Variants in IMPDH2 observed in about 807,000 individuals in gnomAD.
The protein encoded by IMPDH2 is inosine-5'-monophosphate dehydrogenase 2.
IMPDH2 carries 33 observed loss-of-function variants against 57.8 expected under a neutral mutation model. The ratio of observed to expected loss-of-function variants is 0.57; its 90% confidence interval spans 0.43 to 0.76. The LOEUF is 0.76. IMPDH2 is among the 30% of genes least tolerant of loss of function. The pLI is 0.00. For missense variants in IMPDH2, 446 were observed against 659.1 expected, an observed-to-expected ratio of 0.68 and a Z score of 3.54; for synonymous variants, 270 against 241.3, an observed-to-expected ratio of 1.12 and a Z score of -1.10.
rs1575310035 is a variant in IMPDH2, at chr3:49,026,624, A to C, written c.820-15T>G. ...TGGGAAGAGTCCTAGGACAAGAAGT[A>C]AGTCTCAGACTGTGATGTGGCAGCT... On this transcript the variant is annotated splice_polypyrimidine_tract_variant and intron_variant, in intron 7 of 13. Coordinates refer to ENST00000326739, the MANE Select transcript of IMPDH2 (RefSeq NM_000884.3). 6.2e-7 allele frequency: 1 copy of C among 1,612,590 alleles called. No individual in the cohort carries two copies. Among genetic ancestry groups the C allele is most frequent in the Non-Finnish European group, 8.5e-7 (1 of 1,178,596 alleles).
At chr3:49,026,021 C>G (rs750335122) in intron 9 of IMPDH2, 8 of 512,574 alleles carry the variant, frequency 1.6e-5, no homozygotes, top group South Asian at 1.2e-4. Context: ...AGTAGAAGGG[C>G]ATTTGGGGCT....
At chr3:49,027,941 C>T in intron 4 of IMPDH2, 25 bp from the exon 5 acceptor site, 1 of 1,555,452 alleles carries the variant, frequency 6.4e-7, no homozygotes, top group South Asian at 1.1e-5. Flanking sequence ...TGAGAAAGGG[C>T]ATCGCATCTT....
At chr3:49,025,425 T>C in intron 9 of IMPDH2, 156 bp from the exon 10 acceptor site, 1 of 763,872 alleles carries the variant, frequency 1.3e-6, no homozygotes, top group Admixed American at 2.1e-5. Context: ...TGCTGCCACA[T>C]CTGCCTTAAA....
At position 49,028,235 on chromosome 3, in the gene IMPDH2, T is replaced by A; in HGVS notation, c.324+13A>T. 1 of 1,611,508 alleles carries A rather than the reference T, an allele frequency of 6.2e-7. No homozygotes were observed. On this transcript the variant is annotated intron_variant, in intron 4 of 13. Transcript: ENST00000326739. ...TCCCAGGAGCGCTTGCTAATGATCG[T>A]TGCCCTTCTGACCTTCACTTTCCGA...
intron 13 of IMPDH2, 38 bp downstream of exon 13, chr3:49,024,457 G>C: frequency 1.2e-6 from 2 of 1,614,084 alleles, no homozygotes; most frequent in Non-Finnish European, 1.7e-6. Context: ...GGAGGCATGA[G>C]GTATGGCAGA....
intron 9 of IMPDH2, 56 bp downstream of exon 9, chr3:49,026,268 G>A (rs1575309655): frequency 4.7e-6 from 6 of 1,280,442 alleles, no homozygotes; most frequent in Middle Eastern, 2.5e-4. Context: ...TTGGTTCCAA[G>A]GTATGTGGGG....
chr3:49,026,574 A>G lies in IMPDH2; in HGVS notation c.855T>C (p.Asn285=), dbSNP rs946337795. The stretch of plus-strand genomic sequence containing the variant: ...ATTTGTCTTTGATGTACTTGATCAT[A>G]TTGATCTGGAAGATGGAATTTCCCT... ...SSQGNSIFQI[N]MIKYIKDKYP... is the part of the protein sequence containing the mutation. Residue 285 remains asparagine, a synonymous_variant, in exon 8 of 14, where the codon AAT becomes AAC. Coordinates refer to ENST00000326739, the MANE Select transcript of IMPDH2 (RefSeq NM_000884.3). 1.2e-6 allele frequency: 2 copies of G among 1,613,936 alleles called. No individual in the cohort carries two copies. Among genetic ancestry groups the G allele is most frequent in the Non-Finnish European group, 1.7e-6 (2 of 1,179,804 alleles).
chr3:49,025,378 T>C, intron 9 of IMPDH2, 109 bp from the exon 10 acceptor site: 1 of 1,191,104 alleles, frequency 8.4e-7, no homozygotes, highest in East Asian at 2.3e-5. Flanking sequence ...GCATCAGGAC[T>C]GCAGCTTGGC....
chr3:49,026,249 TAA>T, intron 9 of IMPDH2, 73 bp downstream of exon 9: 1 of 1,124,718 alleles, frequency 8.9e-7, no homozygotes, highest in Non-Finnish European at 1.3e-6. Flanking sequence ...ATTGTCCCCA[TAA>T]GAGTGCTTGG....
In IMPDH2 at chr3:49,026,508, T is replaced by C. The variant is rs1405551655; in HGVS notation, c.910+11A>G. The C allele has an allele frequency of 2.5e-6, 4 of 1,610,006 alleles. No homozygotes were observed. Among genetic ancestry groups the C allele is most frequent in the African/African-American group, 1.3e-5 (1 of 74,860 alleles). The stretch of plus-strand genomic sequence containing the variant: ...CCACCACACATCCTTCAGGGCACAA[T>C]CTTGCCTTACCATTGCCTCCAATGA... On this transcript the variant is annotated intron_variant, in intron 8 of 13. Transcript: ENST00000326739.
In IMPDH2 at chr3:49,024,771, C is replaced by T; in HGVS notation, c.1327G>A (p.Val443Met). 1.9e-6 allele frequency: 3 copies of T among 1,614,238 alleles called. No homozygotes were observed. Among genetic ancestry groups the T allele is most frequent in the Non-Finnish European group, 2.5e-6 (3 of 1,180,038 alleles). Residue 443 changes from valine (V) to methionine (M), a missense_variant, in exon 12 of 14, where the codon GTG (valine) becomes ATG (methionine). Coordinates refer to ENST00000326739, the MANE Select transcript of IMPDH2 (RefSeq NM_000884.3). ...CCTTTGTCCTGCACAGCACCAGACA[C>T]TCCCTGGGCCACTTTGATTTTGTCA... ...EADKIKVAQGVSGAVQDKGSI... is the reference protein window; with the variant it reads ...EADKIKVAQGMSGAVQDKGSI...
rs758814432 is a variant in IMPDH2, at chr3:49,026,394, G to A, written c.936C>T (p.Asn312=). 6.2e-7 allele frequency: 1 copy of A among 1,613,830 alleles called. No homozygotes were observed. The highest frequency in any genetic ancestry group is 1.1e-5 in the South Asian group (1 of 90,974). Residue 312 remains asparagine (N), a synonymous_variant, in exon 9 of 14, where the codon AAC becomes AAT. Transcript: ENST00000326739. ...GNVVTAAQAK[N]LIDAGVDALR... is the part of the protein sequence containing the mutation. Reference sequence around the variant, plus strand: ...GGGCATCCACACCTGCATCAATGAGGTTCTTGGCCTGGGCAGCAGTGACCA... The same window carrying A: ...GGGCATCCACACCTGCATCAATGAGATTCTTGGCCTGGGCAGCAGTGACCA...
intron 9 of IMPDH2, 72 bp downstream of exon 9, chr3:49,026,252 G>A (rs1282917652): frequency 2.6e-6 from 3 of 1,142,356 alleles, no homozygotes; most frequent in South Asian, 1.3e-5. Context: ...GTCCCCATAA[G>A]AGTGCTTGGT....
rs971788812 is a variant in IMPDH2, at chr3:49,028,900, G to T, written c.99-94C>A. ...GTACCAATCAACCCGTAACGCATGT[G>T]AGCAGAGAGTGGCACTGACAGAGTC... On this transcript the variant is annotated intron_variant, in intron 1 of 13. Transcript: ENST00000326739. 3.9e-5 allele frequency: 39 copies of T among 988,096 alleles called. No individual in the cohort carries two copies. In the Admixed American group the frequency reaches 4.1e-4, roughly 11 times the overall value. The allele number at this position is 988,096 out of a possible 1,614,324, so 61.2% of individuals were successfully genotyped here.
At chr3:49,025,686 T>G (rs1441630869) in intron 9 of IMPDH2, among the ~76,000 whole-genome samples, 2 of 152,018 alleles carry the variant, frequency 1.3e-5, no homozygotes, top group Non-Finnish European at 2.9e-5. Context: ...GAGCAGGCTG[T>G]GGTTGTGTGG....
rs373951800 is a variant in IMPDH2 at position 49,024,642 on chromosome 3, C to T, written c.1439+17G>A. 2.5e-6 allele frequency: 4 copies of T among 1,614,120 alleles called. No individual in the cohort carries two copies. The African/African-American group carries it at 4.0e-5, about 16-fold the overall frequency. ...TGGACCAGCCCCTCTACCCATGTCC[C>T]AGCTCCCCAAGCTCACCGGACTTGG... On this transcript the variant is annotated intron_variant, in intron 12 of 13. Transcript: ENST00000326739.
At position 49,028,477 on chromosome 3, in the gene IMPDH2, G is replaced by C. The variant is rs1179509686; in HGVS notation, c.203C>G (p.Ser68Cys). The change falls in exon 3 of 14, where the codon TCT becomes TGT. Residue 68 changes from serine (S) to cysteine (C), a missense_variant. Ser to Cys is a moderately radical substitution (Grantham distance 112). Transcript: ENST00000326739. Reference sequence around the variant, plus strand: ...AGCCTCTGTGACTGTGTCCATGGGAGAGGAAACCAGTGGGGTCTTAAGAGT... The same window carrying C: ...AGCCTCTGTGACTGTGTCCATGGGACAGGAAACCAGTGGGGTCTTAAGAGT... ...KITLKTPLVS[S>C]PMDTVTEAGM... 1 of 1,614,184 alleles carries C rather than the reference G, an allele frequency of 6.2e-7. No individual in the cohort carries two copies. The highest frequency in any genetic ancestry group is 1.7e-5 in the Admixed American group (1 of 60,026).
Position 49,024,910 on chromosome 3 carries a change from C to A in IMPDH2, c.1281G>T (p.Gln427His). The change falls in exon 11 of 14, where the codon CAG becomes CAT. Residue 427 changes from glutamine (Q) to histidine (H), a missense_variant. Gln to His is a conservative substitution (Grantham distance 24). Transcript: ENST00000326739. ...LDAMDKHLSS[Q>H]NRYFSEADKI... ...GCCTGTCCCACCTGAAATATCTGTTCTGGCTGCTGAGGTGCTTGTCCATGG... is the reference window on the plus strand; with the variant it reads ...GCCTGTCCCACCTGAAATATCTGTTATGGCTGCTGAGGTGCTTGTCCATGG... 6.2e-7 allele frequency: 1 copy of A among 1,614,246 alleles called. No individual in the cohort carries two copies. The highest frequency in any genetic ancestry group is 8.5e-7 in the Non-Finnish European group (1 of 1,180,044).
chr3:49,024,525 T>A lies in IMPDH2; in HGVS notation c.1493A>T (p.Gln498Leu), dbSNP rs754285040. The A allele has an allele frequency of 4.3e-6, 7 of 1,614,192 alleles. No homozygotes were observed. In the East Asian group the frequency reaches 1.6e-4, roughly 36 times the overall value. ...LKFEKRTSSAQVEGGVHSLHS... is the reference protein window; with the variant it reads ...LKFEKRTSSALVEGGVHSLHS... ...GAGGCTATGGACGCCACCTTCCACC[T>A]GGGCTGAGGACGTTCTCTTCTCAAA... Residue 498 changes from glutamine (Q) to leucine (L), a missense_variant, in exon 13 of 14, where the codon CAG (glutamine) becomes CTG (leucine). Physicochemically the swap from Gln to Leu is moderately radical, Grantham distance 113 (BLOSUM62 -2). Transcript: ENST00000326739.
Sources: gnomAD v4.1 joint callset for allele counts (sites outside exome capture counted in the v4.1 genomes callset) on GRCh38, gnomAD v4.1.1 for gene constraint, MANE v1.5 for transcripts, NCBI Gene and HGNC (gene_info 2026-07-23, HGNC 2026-07-21) for gene names.